Variants in PCDHGA2 observed in about 807,000 individuals in gnomAD.
PCDHGA2 encodes the protein protocadherin gamma subfamily A, 2.
Under a neutral mutation model 59.2 loss-of-function variants are expected in PCDHGA2, and 40 were observed. That is an observed-to-expected ratio of 0.68 (90% CI 0.52 to 0.88). The LOEUF (loss-of-function observed/expected upper bound fraction) is 0.88, where lower values mean the gene tolerates loss of function less well. Ranked by LOEUF, PCDHGA2 falls within the 40% of genes least tolerant of loss-of-function variation. The pLI is 0.00. For synonymous variants in PCDHGA2, 560 were observed against 526.0 expected (o/e 1.06, Z -0.89); for missense variants, 1,226 against 1,204.0 (o/e 1.02, Z -0.27).
intron 1 of PCDHGA2, among the ~76,000 whole-genome samples, chr5:141,373,025 G>T (rs1194348949): frequency 6.6e-6 from 1 of 152,092 alleles, no homozygotes; most frequent in East Asian, 1.9e-4. Context: ...TGATAGTCTT[G>T]AAACTTTTCT....
intron 1 of PCDHGA2, chr5:141,398,999 A>C: frequency 6.2e-7 from 1 of 1,613,964 alleles, no homozygotes; most frequent in East Asian, 2.2e-5. Context: ...TTTAGTCTGA[A>C]TTCAAAGAGC....
chr5:141,502,487 C>A (rs563658817), intron 2 of PCDHGA2, among the ~76,000 whole-genome samples: 1 of 152,182 alleles, frequency 6.6e-6, no homozygotes, highest in Non-Finnish European at 1.5e-5. Context: ...CACACTGGGA[C>A]TCATCTAACG....
chr5:141,468,903 C>T (rs1265804352), intron 1 of PCDHGA2, among the ~76,000 whole-genome samples: 1 of 151,614 alleles, frequency 6.6e-6, no homozygotes, highest in Non-Finnish European at 1.5e-5. Context: ...CTAATATGAT[C>T]CAGACTAGAA....
intron 1 of PCDHGA2, chr5:141,360,957 C>G: frequency 1.2e-6 from 2 of 1,613,904 alleles, no homozygotes; most frequent in Non-Finnish European, 1.7e-6. Context: ...AAGGCATAAA[C>G]GCAGAGATCA....
intron 1 of PCDHGA2, among the ~76,000 whole-genome samples, chr5:141,386,678 G>A (rs1376452903): frequency 6.6e-6 from 1 of 152,012 alleles, no homozygotes; most frequent in African/African-American, 2.4e-5. Flanking sequence ...CATTTCAGAT[G>A]TACAATCACT....
rs555568322 is a variant in PCDHGA2, at chr5:141,366,458, G to T, written c.2424+25063G>T. On this transcript the variant is annotated intron_variant, in intron 1 of 3. Transcript: ENST00000394576. ...CTGCGTCTTCCTGGCCTTCGTCATC[G>T]TGCTGCTGGTGCTCAGACTGAGGCG... 12 of 1,614,210 alleles carry T rather than the reference G, an allele frequency of 7.4e-6. No individual in the cohort carries two copies. Among genetic ancestry groups the T allele is most frequent in the African/African-American group, 1.3e-5 (1 of 75,068 alleles).
In PCDHGA2 at chr5:141,392,850, C is replaced by T. The variant is rs752526573; in HGVS notation, c.2424+51455C>T. ...ACAGAGTCGCCCCAGACGCGGCGAG[C>T]TGATCCTGCTGTGCGCGCTGCTGGG... On this transcript the variant is annotated intron_variant, in intron 1 of 3. Coordinates refer to ENST00000394576, the MANE Select transcript of PCDHGA2 (RefSeq NM_018915.4). The T allele has an allele frequency of 3.1e-6, 5 of 1,610,550 alleles. No homozygotes were observed. In the African/African-American group the frequency reaches 5.3e-5, roughly 17 times the overall value.
chr5:141,444,082 A>G (rs942113441), intron 1 of PCDHGA2, among the ~76,000 whole-genome samples: 2 of 151,044 alleles, frequency 1.3e-5, no homozygotes, highest in African/African-American at 2.4e-5. Flanking sequence ...TCACCTGAAA[A>G]GTCTGCTAAG....
At chr5:141,450,792 G>T (rs1222162745) in intron 1 of PCDHGA2, among the ~76,000 whole-genome samples, 2 of 149,686 alleles carry the variant, frequency 1.3e-5, no homozygotes, top group Non-Finnish European at 3.0e-5. Context: ...CGGACCTCAT[G>T]ATTGTATTTA....
In PCDHGA2 at chr5:141,485,308, A is replaced by G; in HGVS notation, c.2425-9499A>G. On this transcript the variant is annotated intron_variant, in intron 1 of 3. Coordinates refer to ENST00000394576, the MANE Select transcript of PCDHGA2 (RefSeq NM_018915.4). The surrounding 1 kb of genome is among the most constrained non-coding windows in gnomAD (Gnocchi z 5.7). ...AGGAGTCACAGGAAGGGACTTTTGTAGGGAATGTCGCTCAAGATTTCCTGC... is the reference window on the plus strand; with the variant it reads ...AGGAGTCACAGGAAGGGACTTTTGTGGGGAATGTCGCTCAAGATTTCCTGC... 6.2e-7 allele frequency: 1 copy of G among 1,614,112 alleles called. No individual in the cohort carries two copies. The highest frequency in any genetic ancestry group is 8.5e-7 in the Non-Finnish European group (1 of 1,179,996).
intron 1 of PCDHGA2, among the ~76,000 whole-genome samples, chr5:141,444,466 C>T (rs539222916): frequency 7.9e-5 from 12 of 152,100 alleles, no homozygotes; most frequent in East Asian, 1.9e-4. Context: ...TCACTGCGCC[C>T]GGTCGCGTAC....
At chr5:141,376,163 G>C in intron 1 of PCDHGA2, 11 of 1,614,112 alleles carry the variant, frequency 6.8e-6, no homozygotes, top group Non-Finnish European at 9.3e-6. Flanking sequence ...TCTGTACCTG[G>C]TGGTGGCGGT....
chr5:141,458,701 C>A (rs1057501287), intron 1 of PCDHGA2, among the ~76,000 whole-genome samples: 3 of 152,088 alleles, frequency 2.0e-5, no homozygotes, highest in Non-Finnish European at 2.9e-5. Context: ...TCCCGAGTAG[C>A]TGGGATTACA....
rs771341809 is a variant in PCDHGA2 at position 141,404,607 on chromosome 5, T to C, written c.2424+63212T>C. 5 of 1,613,938 alleles carry C rather than the reference T, an allele frequency of 3.1e-6. No homozygotes were observed. The African/African-American group carries it at 6.7e-5, about 22-fold the overall frequency. ...AGCAATGTGTCATTGAGACTGTTTG[T>C]TTTGGACCAGAATGACAATGCCCCA... On this transcript the variant is annotated intron_variant, in intron 1 of 3. Coordinates refer to ENST00000394576, the MANE Select transcript of PCDHGA2 (RefSeq NM_018915.4).
In PCDHGA2 at chr5:141,511,074, C is replaced by G; in HGVS notation, c.2700C>G (p.Ser900Arg). 1.2e-6 allele frequency: 2 copies of G among 1,614,238 alleles called. No homozygotes were observed. The highest frequency in any genetic ancestry group is 1.7e-6 in the Non-Finnish European group (2 of 1,180,040). ...GCCAGAATGTCTACATCCCAGGCAGCAATGCCACACTGACCAACGCAGCTG... is the reference window on the plus strand; with the variant it reads ...GCCAGAATGTCTACATCCCAGGCAGGAATGCCACACTGACCAACGCAGCTG... The part of the protein sequence containing the change: ...DYRQNVYIPG[S>R]NATLTNAAGK... Residue 900 changes from serine (S) to arginine (R), a missense_variant, in exon 4 of 4, where the codon AGC becomes AGG. Coordinates refer to ENST00000394576, the MANE Select transcript of PCDHGA2 (RefSeq NM_018915.4).
intron 1 of PCDHGA2, chr5:141,399,149 C>A: frequency 6.2e-7 from 1 of 1,613,772 alleles, no homozygotes; most frequent in Non-Finnish European, 8.5e-7. Flanking sequence ...GACAATAGCC[C>A]AGAAGTTACA....
intron 2 of PCDHGA2, 80 bp downstream of exon 2, chr5:141,494,945 C>G (rs2099757788): frequency 6.2e-7 from 1 of 1,608,958 alleles, no homozygotes; most frequent in Non-Finnish European, 8.5e-7. Flanking sequence ...GGGGGAGGGC[C>G]CAGCATTTGC....
rs74964649 is a variant in PCDHGA2 at position 141,370,417 on chromosome 5, G to A, written c.2424+29022G>A. On this transcript the variant is annotated intron_variant, in intron 1 of 3. Transcript: ENST00000394576. Reference sequence around the variant, plus strand: ...GGGATGGGAAATAGCTCCGGATGGAGGGGCCCAGCAGGGCAGAGGCGAATG... The same window carrying A: ...GGGATGGGAAATAGCTCCGGATGGAAGGGCCCAGCAGGGCAGAGGCGAATG... 7.3e-4 allele frequency: 1,146 copies of A among 1,570,760 alleles called. 10 individuals are homozygous for A. In the African/African-American group the frequency reaches 0.014, roughly 19 times the overall value.
At position 141,477,806 on chromosome 5, in the gene PCDHGA2, G is replaced by GC; in HGVS notation, c.2425-16995dup. Reference sequence around the variant, plus strand: ...ATTTGTCACTGATCGCAATGACAATGCCCCCCAGGTCCTATATCCTCGGCC... The same window carrying GC: ...ATTTGTCACTGATCGCAATGACAATGCCCCCCCAGGTCCTATATCCTCGGCC... On this transcript the variant is annotated intron_variant, in intron 1 of 3. Transcript: ENST00000394576. This position sits in a 1 kb window ranked among gnomAD's most constrained non-coding sequence, Gnocchi z 4.9. 1 of 1,614,114 alleles carries GC rather than the reference G, an allele frequency of 6.2e-7. No homozygotes were observed.
Sources: gnomAD v4.1 joint callset for allele counts (sites outside exome capture counted in the v4.1 genomes callset) on GRCh38, gnomAD v4.1.1 for gene constraint, Gnocchi (gnomAD v3.1) non-coding constraint, MANE v1.5 for transcripts, NCBI Gene and HGNC (gene_info 2026-07-23, HGNC 2026-07-21) for gene names.